Variants in ATP8A2 observed in about 807,000 individuals in gnomAD.
ATP8A2 encodes ATPase phospholipid transporting 8A2.
Under a neutral mutation model 165.6 loss-of-function variants are expected in ATP8A2, and 100 were observed. The observed-to-expected ratio is 0.60, with a 90% CI of 0.51 to 0.71. The LOEUF is 0.71. ATP8A2 is among the 30% of genes least tolerant of loss of function. The pLI is 0.00. For missense variants in ATP8A2, 1,227 were observed against 1,479.5 expected (o/e 0.83, Z 2.80); for synonymous variants, 543 against 548.8 (o/e 0.99, Z 0.15).
intron 33 of ATP8A2, among the ~76,000 whole-genome samples, chr13:25,917,057 C>G (rs1041420304): frequency 6.6e-6 from 1 of 152,150 alleles, no homozygotes; most frequent in Non-Finnish European, 1.5e-5. Flanking sequence ...ATTTTCACTT[C>G]TTAGTGCGTT....
chr13:25,671,267 A>G (rs1008957187), intron 24 of ATP8A2, among the ~76,000 whole-genome samples: 1 of 152,174 alleles, frequency 6.6e-6, no homozygotes, highest in Non-Finnish European at 1.5e-5. Context: ...AGGAGGATGT[A>G]TATCGCCTCA....
chr13:25,828,537 G>A (rs571446207), intron 28 of ATP8A2, among the ~76,000 whole-genome samples: 7 of 152,098 alleles, frequency 4.6e-5, no homozygotes, highest in East Asian at 1.9e-4. Flanking sequence ...AACTCATTCC[G>A]CTTCATTATT....
intron 35 of ATP8A2, among the ~76,000 whole-genome samples, chr13:25,995,022 C>G (rs968846748): frequency 6.6e-5 from 10 of 151,932 alleles, no homozygotes; most frequent in African/African-American, 2.2e-4. Flanking sequence ...ATTTAGAGAG[C>G]TATTAAAATT....
intron 30 of ATP8A2, among the ~76,000 whole-genome samples, chr13:25,859,961 C>T (rs904060229): frequency 6.8e-6 from 1 of 146,874 alleles, no homozygotes; most frequent in African/African-American, 2.4e-5. Flanking sequence ...GCAGATCAAG[C>T]GTTTGGTTGG....
At chr13:25,851,425 A>C (rs1952005134) in intron 30 of ATP8A2, among the ~76,000 whole-genome samples, 1 of 152,102 alleles carries the variant, frequency 6.6e-6, no homozygotes, top group African/African-American at 2.4e-5. Context: ...TCTGCTAAAA[A>C]TACAAAAGTT....
In ATP8A2 at chr13:25,555,002, G is replaced by A. The variant is rs760492738; in HGVS notation, c.1197G>A (p.Met399Ile). The A allele has an allele frequency of 6.2e-7, 1 of 1,604,912 alleles. No homozygotes were observed. Among genetic ancestry groups the A allele is most frequent in the Non-Finnish European group, 8.5e-7 (1 of 1,171,920 alleles). The stretch of plus-strand genomic sequence containing the variant: ...TCTCTCTCTCTCAGGACACAGATAT[G>A]TATTATATAGGAAATGACACTCCTG... The part of the protein sequence containing the change: ...QALFINWDTD[M>I]YYIGNDTPAM... Residue 399 changes from methionine (M) to isoleucine (I), a missense_variant, in exon 13 of 37, where the codon ATG (methionine) becomes ATA (isoleucine). Coordinates refer to ENST00000381655, the MANE Select transcript of ATP8A2 (RefSeq NM_016529.6).
At chr13:25,673,881 A>G (rs1401554671) in intron 24 of ATP8A2, among the ~76,000 whole-genome samples, 1 of 152,140 alleles carries the variant, frequency 6.6e-6, no homozygotes, top group East Asian at 1.9e-4. Flanking sequence ...ATTTTAGGGG[A>G]AAAAGTGAAA....
At chr13:25,925,383 A>C (rs563789684) in intron 33 of ATP8A2, among the ~76,000 whole-genome samples, 6 of 152,074 alleles carry the variant, frequency 3.9e-5, no homozygotes, top group Non-Finnish European at 8.8e-5. Flanking sequence ...AAATACAAAA[A>C]AGTAGCCGGG....
chr13:25,718,395 T>TC (rs397964742), intron 25 of ATP8A2, among the ~76,000 whole-genome samples: 34 of 152,156 alleles, frequency 2.2e-4, no homozygotes, highest in Admixed American at 5.9e-4. Context: ...TCATTTTTTT[T>TC]CCCGTTTTAT....
At chr13:25,547,393 A>G (rs2038684852) in intron 10 of ATP8A2, among the ~76,000 whole-genome samples, 5 of 151,984 alleles carry the variant, frequency 3.3e-5, no homozygotes, top group Admixed American at 3.3e-4. Context: ...CAGCGGTGGC[A>G]TTAGATTCTC....
intron 1 of ATP8A2, among the ~76,000 whole-genome samples, chr13:25,413,175 A>AT (rs746286191): frequency 8.6e-5 from 13 of 151,436 alleles, no homozygotes; most frequent in Non-Finnish European, 1.8e-4. Context: ...TTTGTGCTTG[A>AT]TTTTTTGGTG....
At chr13:26,002,497 C>A (rs567699668) in intron 35 of ATP8A2, among the ~76,000 whole-genome samples, 1 of 151,194 alleles carries the variant, frequency 6.6e-6, no homozygotes, top group African/African-American at 2.4e-5. Flanking sequence ...CAAACCAACA[C>A]GGCACATGTA....
At chr13:25,385,648 A>C (rs1264215927) in intron 1 of ATP8A2, among the ~76,000 whole-genome samples, 3 of 152,104 alleles carry the variant, frequency 2.0e-5, no homozygotes, top group Non-Finnish European at 4.4e-5. Context: ...TTTCATGTGG[A>C]TACAATGCCT....
At position 25,634,522 on chromosome 13, in the gene ATP8A2, A is replaced by C. The variant is rs1197829792; in HGVS notation, c.2211+44823A>C. On this transcript the variant is annotated intron_variant, in intron 24 of 36. Coordinates refer to ENST00000381655, the MANE Select transcript of ATP8A2 (RefSeq NM_016529.6). ...AAAAAATTTTTAAGTTTAATGAGTA[A>C]CAGTTTGTCTTAAGCCTTTTAAATT... Among the ~76,000 whole-genome samples the C allele has an allele frequency of 2.0e-5, 3 of 152,160 alleles. No homozygotes were observed. The East Asian group carries it at 5.8e-4, about 29-fold the overall frequency.
chr13:25,504,689 G>A lies in ATP8A2; in HGVS notation c.222-25310G>A, dbSNP rs1356800824. 5.6e-4 allele frequency among the ~76,000 whole-genome samples: 78 copies of A among 139,514 alleles called. No individual in the cohort carries two copies. In the East Asian group the frequency reaches 0.015, roughly 27 times the overall value. 91.5% of individuals were successfully genotyped at this position (139,514 alleles called of 152,430 possible). On this transcript the variant is annotated intron_variant, in intron 2 of 36. Transcript: ENST00000381655. ...CGGGAAGCGGAGCTTGCAGTGAGCC[G>A]AGATTGCGCCACTGCAGTCCGCAGT...
At position 25,950,037 on chromosome 13, in the gene ATP8A2, T is replaced by G. The variant is rs144451989; in HGVS notation, c.3184-11538T>G. ...CTGATCTCGAACTCTTGACCTCAGG[T>G]GATCCACCTGCCTCTGCCTCCCAAA... On this transcript the variant is annotated intron_variant, in intron 33 of 36. Coordinates refer to ENST00000381655, the MANE Select transcript of ATP8A2 (RefSeq NM_016529.6). Among the ~76,000 whole-genome samples the G allele has an allele frequency of 5.7e-3, 868 of 152,290 alleles. 13 individuals are homozygous for G. Among genetic ancestry groups the G allele is most frequent in the African/African-American group, 0.02 (836 of 41,582 alleles).
intron 33 of ATP8A2, among the ~76,000 whole-genome samples, chr13:25,924,440 C>T (rs566307455): frequency 6.6e-6 from 1 of 152,104 alleles, no homozygotes. Flanking sequence ...AAGCATCACC[C>T]TGATTTTTCT....
intron 33 of ATP8A2, among the ~76,000 whole-genome samples, chr13:25,882,261 A>G (rs1953002685): frequency 6.6e-6 from 1 of 152,180 alleles, no homozygotes; most frequent in Non-Finnish European, 1.5e-5. Flanking sequence ...TTAAGTGCCA[A>G]ACCAAGTGGA....
rs1387690774 is a variant in ATP8A2, at chr13:25,394,815, C to T, written c.76+22527C>T. On this transcript the variant is annotated intron_variant, in intron 1 of 36. Coordinates refer to ENST00000381655, the MANE Select transcript of ATP8A2 (RefSeq NM_016529.6). Reference sequence around the variant, plus strand: ...CCATACCAGAAAAAGCACAATAACTCTTCGTCACCTGAGATGACTAGAGTC... The same window carrying T: ...CCATACCAGAAAAAGCACAATAACTTTTCGTCACCTGAGATGACTAGAGTC... Among the ~76,000 whole-genome samples the T allele has an allele frequency of 2.6e-5, 4 of 152,322 alleles. No homozygotes were observed. In the East Asian group the frequency reaches 7.7e-4, roughly 29 times the overall value.
Sources: gnomAD v4.1 joint callset for allele counts (sites outside exome capture counted in the v4.1 genomes callset) on GRCh38, gnomAD v4.1.1 for gene constraint, MANE v1.5 for transcripts, NCBI Gene and HGNC (gene_info 2026-07-23, HGNC 2026-07-21) for gene names.